ASIC2: variants seen among roughly 807,000 people sequenced by gnomAD.
ASIC2 encodes acid sensing ion channel subunit 2, also known as acid-sensing ion channel 2.
Under a neutral mutation model 57.3 loss-of-function variants are expected in ASIC2, and 25 were observed. That is an observed-to-expected ratio of 0.44 (90% CI 0.32 to 0.61). The LOEUF (loss-of-function observed/expected upper bound fraction) is 0.61, where lower values mean the gene tolerates loss of function less well. Among genes scored for constraint, ASIC2 ranks in the 20% least tolerant of loss-of-function variants. The probability of loss-of-function intolerance (pLI) is 0.06; values close to 1 mark genes in which losing one functional copy is unlikely to be tolerated. For missense variants in ASIC2, 641 were observed against 738.1 expected (o/e 0.87, Z 1.52); for synonymous variants, 319 against 307.5 (o/e 1.04, Z -0.39).
chr17:34,153,371 G>C (rs895543034), intron 1 of ASIC2, among the ~76,000 whole-genome samples: 4 of 152,214 alleles, frequency 2.6e-5, no homozygotes, highest in African/African-American at 9.7e-5. Flanking sequence ...GGGATGCACA[G>C]CAGAGAAAAT....
chr17:33,503,111 G>A lies in ASIC2; in HGVS notation c.556-391044C>T, dbSNP rs183444852. Among the ~76,000 whole-genome samples the A allele has an allele frequency of 7.2e-5, 11 of 152,234 alleles. No homozygotes were observed. The East Asian group carries it at 1.7e-3, about 24-fold the overall frequency. ...GCAACCATACAAGGTAATTGGAAAC[G>A]TCAAGGAAGACAATGGGCGTGGAAG... On this transcript the variant is annotated intron_variant, in intron 1 of 9. Coordinates refer to the ASIC2 transcript ENST00000359872.
intron 1 of ASIC2, among the ~76,000 whole-genome samples, chr17:33,954,405 T>C (rs1003900688): frequency 6.6e-6 from 1 of 152,224 alleles, no homozygotes; most frequent in African/African-American, 2.4e-5. Flanking sequence ...CACTGCTCCA[T>C]GGCAGCCAAT....
intron 1 of ASIC2, chr17:33,692,231 C>T (rs535140124): frequency 6.6e-6 from 1 of 152,258 alleles, no homozygotes; most frequent in African/African-American, 2.4e-5. Context: ...TGCTAATCAA[C>T]CCCTCAGTTC....
Position 33,448,945 on chromosome 17 carries a change from G to A in ASIC2, c.556-336878C>T, listed in dbSNP as rs566968387. Reference sequence around the variant, plus strand: ...ATCAGGAGACTTGTGTCAATTCTTGGTGCTGCCTCTTAGTTATAGCATGGT... The same window carrying A: ...ATCAGGAGACTTGTGTCAATTCTTGATGCTGCCTCTTAGTTATAGCATGGT... On this transcript the variant is annotated intron_variant, in intron 1 of 9. Coordinates refer to the ASIC2 transcript ENST00000359872. Among the ~76,000 whole-genome samples, 296 of 152,282 alleles carry A rather than the reference G, an allele frequency of 1.9e-3. 2 individuals carry two copies. The highest frequency in any genetic ancestry group is 6.8e-3 in the African/African-American group (283 of 41,556).
intron 1 of ASIC2, among the ~76,000 whole-genome samples, chr17:33,522,816 GAC>G (rs1914782000): frequency 1.3e-5 from 2 of 152,188 alleles, no homozygotes; most frequent in Non-Finnish European, 1.5e-5. Flanking sequence ...CTCCAGTGCA[GAC>G]ACAGACACTG....
chr17:33,153,101 T>G (rs1048699198), intron 1 of ASIC2, among the ~76,000 whole-genome samples: 4 of 152,194 alleles, frequency 2.6e-5, no homozygotes, highest in Admixed American at 1.3e-4. Flanking sequence ...GCGTAACTCA[T>G]GTAGCACTCA....
chr17:33,188,405 AT>A (rs1268807006), intron 1 of ASIC2, among the ~76,000 whole-genome samples: 1 of 152,172 alleles, frequency 6.6e-6, no homozygotes, highest in Non-Finnish European at 1.5e-5. Context: ...TGAAGAAATA[AT>A]AGCCAGCATT....
At chr17:33,639,761 G>GAAAAA (rs3032192) in intron 1 of ASIC2, among the ~76,000 whole-genome samples, 26 of 125,098 alleles carry the variant, frequency 2.1e-4, no homozygotes, top group African/African-American at 6.0e-4. Flanking sequence ...CTCAGGTTAA[G>GAAAAA]AAAAAAAAAA....
chr17:34,044,129 C>T lies in ASIC2; in HGVS notation c.555+111849G>A, dbSNP rs537391840. On this transcript the variant is annotated intron_variant, in intron 1 of 9. Coordinates refer to the ASIC2 transcript ENST00000359872. ...ACACACACACACACACACACACGCA[C>T]GCACACACACACACACACACCAAGA... 5.4e-4 allele frequency among the ~76,000 whole-genome samples: 61 copies of T among 112,684 alleles called. No homozygotes were observed. In the Middle Eastern group the frequency reaches 0.013, roughly 23 times the overall value. The allele number at this position is 112,684 out of a possible 152,430, so 73.9% of individuals were successfully genotyped here. A position where few individuals can be genotyped will look rare whatever the true frequency, so the allele number is the denominator to read the frequency against.
At chr17:34,052,658 C>A (rs1031788096) in intron 1 of ASIC2, among the ~76,000 whole-genome samples, 1 of 151,594 alleles carries the variant, frequency 6.6e-6, no homozygotes, top group Admixed American at 6.6e-5. Flanking sequence ...CTCTTGTTGC[C>A]CAGGCTGGAG....
Position 33,347,267 on chromosome 17 carries a change from T to C in ASIC2, c.556-235200A>G, listed in dbSNP as rs1322281314. ...GAGCATCTTTTCAGTATGGAAATCT[T>C]AGAGAGTGTCTACCTAATTGCATTC... On this transcript the variant is annotated intron_variant, in intron 1 of 9. Transcript: ENST00000359872. Among the ~76,000 whole-genome samples the C allele has an allele frequency of 3.9e-5, 6 of 152,152 alleles. No homozygotes were observed. The East Asian group carries it at 1.2e-3, about 29-fold the overall frequency.
intron 1 of ASIC2, among the ~76,000 whole-genome samples, chr17:33,904,594 G>T (rs1049586062): frequency 6.6e-6 from 1 of 152,204 alleles, no homozygotes; most frequent in Non-Finnish European, 1.5e-5. Context: ...GGATAATGAG[G>T]ATTTAGGAGT....
chr17:33,815,569 T>C (rs1443904475), intron 1 of ASIC2, among the ~76,000 whole-genome samples: 1 of 152,208 alleles, frequency 6.6e-6, no homozygotes, highest in Non-Finnish European at 1.5e-5. Context: ...TTGGATAATC[T>C]TGACTATTGG....
At chr17:33,738,518 C>T (rs1051004154) in intron 1 of ASIC2, among the ~76,000 whole-genome samples, 1 of 152,182 alleles carries the variant, frequency 6.6e-6, no homozygotes, top group African/African-American at 2.4e-5. Context: ...TTGCGTTTTA[C>T]ACCACCAATG....
chr17:33,912,235 T>C (rs317337), intron 1 of ASIC2, among the ~76,000 whole-genome samples: 33,774 of 150,708 alleles, frequency 0.22, 3,979 homozygotes, highest in East Asian at 0.4. Context: ...GGCTCACGCC[T>C]GTAATCCCGG....
chr17:33,044,259 TACCCATCC>T (rs1349936111), intron 3 of ASIC2, among the ~76,000 whole-genome samples: 269 of 132,292 alleles, frequency 2.0e-3, no homozygotes, highest in Middle Eastern at 7.3e-3. Flanking sequence ...TTCATCCATC[TACCCATCC>T]ATCCATCCAT....
chr17:33,467,779 G>A (rs940388407), intron 1 of ASIC2, among the ~76,000 whole-genome samples: 2 of 152,108 alleles, frequency 1.3e-5, no homozygotes, highest in Non-Finnish European at 2.9e-5. Flanking sequence ...CCTTCCAACT[G>A]TCCCACATTT....
chr17:34,033,441 C>CACA (rs1907714353), intron 1 of ASIC2, among the ~76,000 whole-genome samples: 1 of 151,922 alleles, frequency 6.6e-6, no homozygotes, highest in South Asian at 2.1e-4. Flanking sequence ...ATCCTAACAC[C>CACA]ACAATTAAAA....
At chr17:34,051,770 A>G (rs1908563514) in intron 1 of ASIC2, 1 of 152,032 alleles carries the variant, frequency 6.6e-6, no homozygotes, top group Admixed American at 6.6e-5. Context: ...TAATTTACAA[A>G]ATGTTTGGAA....
Sources: allele counts gnomAD v4.1 joint callset (sites outside exome capture counted in the v4.1 genomes callset), GRCh38; gene constraint gnomAD v4.1.1; transcripts MANE v1.5; gene names NCBI Gene and HGNC (gene_info 2026-07-23, HGNC 2026-07-21).